The following ZFAND3 variants were observed in gnomAD, a reference collection of about 807,000 sequenced individuals.
ZFAND3 encodes AN1-type zinc finger protein 3.
A neutral mutation model predicts 29.6 loss-of-function variants in ZFAND3; 10 were observed. That is an observed-to-expected ratio of 0.34 (90% CI 0.21 to 0.57). The LOEUF is 0.57. Ranked by LOEUF, ZFAND3 falls within the 20% of genes least tolerant of loss-of-function variation. The pLI is 0.86. For missense variants in ZFAND3, 230 were observed against 304.5 expected (o/e 0.76, Z 1.82); for synonymous variants, 128 against 112.6 (o/e 1.14, Z -0.87).
chr6:37,979,137 A>C (rs1762538082), intron 2 of ZFAND3, among the ~76,000 whole-genome samples: 1 of 152,012 alleles, frequency 6.6e-6, no homozygotes, highest in Non-Finnish European at 1.5e-5. Context: ...GTGGGAACTG[A>C]GTTTATTGAT....
intron 1 of ZFAND3, among the ~76,000 whole-genome samples, chr6:37,865,255 G>A (rs771054311): frequency 5.9e-5 from 9 of 152,168 alleles, no homozygotes; most frequent in Admixed American, 1.3e-4. Context: ...ATCATCTCTA[G>A]ATTGCTTATA....
At chr6:38,011,260 G>A (rs1763148029) in intron 2 of ZFAND3, among the ~76,000 whole-genome samples, 1 of 152,120 alleles carries the variant, frequency 6.6e-6, no homozygotes, top group African/African-American at 2.4e-5. Context: ...GTAGACCTTT[G>A]AGTACAGGTC....
chr6:38,135,759 C>A (rs201765456), intron 5 of ZFAND3, among the ~76,000 whole-genome samples: 8,399 of 150,000 alleles, frequency 0.056, 628 homozygotes, highest in East Asian at 0.38. Context: ...AAAAAAAAAA[C>A]AAACAAAAAA....
intron 2 of ZFAND3, among the ~76,000 whole-genome samples, chr6:37,977,284 C>T (rs753695040): frequency 2.4e-4 from 36 of 152,058 alleles, no homozygotes; most frequent in Non-Finnish European, 3.8e-4. Flanking sequence ...TGGTTAGACT[C>T]TTCAGTACTA....
chr6:38,073,344 A>G (rs1764493176), intron 3 of ZFAND3, among the ~76,000 whole-genome samples: 2 of 152,072 alleles, frequency 1.3e-5, no homozygotes, highest in African/African-American at 2.4e-5. Flanking sequence ...TTGAAAAAAA[A>G]AAAAAAAAGC....
At chr6:38,014,958 G>A (rs1763228627) in intron 2 of ZFAND3, among the ~76,000 whole-genome samples, 3 of 152,148 alleles carry the variant, frequency 2.0e-5, no homozygotes, top group South Asian at 2.1e-4. Flanking sequence ...ATAATCATTC[G>A]TTGGAAGATA....
intron 2 of ZFAND3, among the ~76,000 whole-genome samples, chr6:37,966,233 C>T (rs887814808): frequency 2.6e-5 from 4 of 152,166 alleles, no homozygotes; most frequent in African/African-American, 9.7e-5. Flanking sequence ...GAAATAGTAA[C>T]TGTGATTGAT....
chr6:37,908,458 C>T (rs189984818), intron 1 of ZFAND3, among the ~76,000 whole-genome samples: 3 of 148,938 alleles, frequency 2.0e-5, no homozygotes, highest in Non-Finnish European at 4.4e-5. Flanking sequence ...CACCCACTAA[C>T]GTGTCATCTA....
chr6:37,904,266 G>A (rs1334892223), intron 1 of ZFAND3, among the ~76,000 whole-genome samples: 2 of 152,136 alleles, frequency 1.3e-5, no homozygotes, highest in African/African-American at 4.8e-5. Context: ...TATCACCTTT[G>A]ACATGCAGCA....
intron 2 of ZFAND3, among the ~76,000 whole-genome samples, chr6:38,034,473 G>A (rs957543624): frequency 2.6e-5 from 4 of 152,088 alleles, no homozygotes; most frequent in African/African-American, 7.2e-5. Context: ...GATATAAGGA[G>A]CATCTAAGAA....
At chr6:38,129,079 T>G (rs1765692289) in intron 5 of ZFAND3, among the ~76,000 whole-genome samples, 1 of 152,236 alleles carries the variant, frequency 6.6e-6, no homozygotes, top group Non-Finnish European at 1.5e-5. Context: ...CCCTAATCAT[T>G]AATGATGTTG....
At chr6:37,892,654 C>T (rs1365445678) in intron 1 of ZFAND3, among the ~76,000 whole-genome samples, 5 of 152,012 alleles carry the variant, frequency 3.3e-5, no homozygotes, top group Admixed American at 3.3e-4. Flanking sequence ...AACAGTAAAT[C>T]AATGAAATCA....
chr6:37,864,795 A>T (rs1764559359), intron 1 of ZFAND3, among the ~76,000 whole-genome samples: 1 of 151,452 alleles, frequency 6.6e-6, no homozygotes, highest in African/African-American at 2.4e-5. Flanking sequence ...GCACACTCTC[A>T]CTCTATATTT....
chr6:38,132,919 G>C (rs936393070), intron 5 of ZFAND3, among the ~76,000 whole-genome samples: 10 of 152,226 alleles, frequency 6.6e-5, no homozygotes, highest in Non-Finnish European at 1.5e-4. Context: ...CCTGTTCACA[G>C]ATTTGAGCAC....
intron 3 of ZFAND3, chr6:38,062,717 C>T (rs1764265329): frequency 6.6e-6 from 1 of 152,302 alleles, no homozygotes; most frequent in African/African-American, 2.4e-5. Context: ...CATCTCTTTC[C>T]CTCCATCCCC....
chr6:37,954,637 T>C (rs1199959784), intron 2 of ZFAND3, among the ~76,000 whole-genome samples: 1 of 152,232 alleles, frequency 6.6e-6, no homozygotes, highest in African/African-American at 2.4e-5. Context: ...TTTTGATTGA[T>C]TTTCCCCCTT....
chr6:37,829,666 G>A (rs1046976128), intron 1 of ZFAND3, among the ~76,000 whole-genome samples: 6 of 152,094 alleles, frequency 3.9e-5, no homozygotes, highest in African/African-American at 1.2e-4. Flanking sequence ...AGTCTCTGAG[G>A]CCTGAGTTCC....
chr6:38,000,325 T>C (rs1178996262), intron 2 of ZFAND3, among the ~76,000 whole-genome samples: 1 of 152,198 alleles, frequency 6.6e-6, no homozygotes, highest in Non-Finnish European at 1.5e-5. Context: ...CAAACAAATT[T>C]GTGAAAGAGC....
At chr6:38,103,370 A>T (rs774761987) in intron 4 of ZFAND3, among the ~76,000 whole-genome samples, 8 of 148,756 alleles carry the variant, frequency 5.4e-5, no homozygotes, top group Non-Finnish European at 8.9e-5. Context: ...ATATATATAC[A>T]CACAATATAT....
Sources: gnomAD v4.1 joint callset for allele counts (sites outside exome capture counted in the v4.1 genomes callset) on GRCh38, gnomAD v4.1.1 for gene constraint, MANE v1.5 for transcripts, NCBI Gene and HGNC (gene_info 2026-07-23, HGNC 2026-07-21) for gene names.